The following GXYLT2 variants were observed in gnomAD, a reference collection of about 807,000 sequenced individuals.
The protein encoded by GXYLT2 is glycosyltransferase 8 domain containing 4.
Under a neutral mutation model 45.8 loss-of-function variants are expected in GXYLT2, and 53 were observed. That is an observed-to-expected ratio of 1.16 (90% CI 0.93 to 1.46). The LOEUF (loss-of-function observed/expected upper bound fraction) is 1.46. Ranked by LOEUF, GXYLT2 falls within the 40% of genes most tolerant of loss-of-function variation. The pLI is 0.00. For missense variants in GXYLT2, 551 were observed against 544.4 expected (o/e 1.01, Z -0.12); for synonymous variants, 219 against 214.2 (o/e 1.02, Z -0.19).
intron 3 of GXYLT2, among the ~76,000 whole-genome samples, chr3:72,924,940 G>T (rs982821128): frequency 6.6e-6 from 1 of 152,024 alleles, no homozygotes; most frequent in Non-Finnish European, 1.5e-5. Flanking sequence ...GGGGTCAAAT[G>T]AGTTTAATTT....
intron 5 of GXYLT2, among the ~76,000 whole-genome samples, chr3:72,958,304 T>A (rs926768589): frequency 2.0e-5 from 3 of 151,990 alleles, no homozygotes; most frequent in Non-Finnish European, 4.4e-5. Flanking sequence ...AAACTATGTT[T>A]TCTTCTTGAG....
chr3:72,955,976 C>A (rs969030923), intron 4 of GXYLT2, among the ~76,000 whole-genome samples: 4 of 152,116 alleles, frequency 2.6e-5, no homozygotes, highest in African/African-American at 9.7e-5. Context: ...TATTCAGGAG[C>A]CTAAGGCAGG....
intron 3 of GXYLT2, among the ~76,000 whole-genome samples, chr3:72,952,352 T>A (rs375571006): frequency 2.5e-4 from 38 of 152,212 alleles, no homozygotes; most frequent in African/African-American, 8.4e-4. Flanking sequence ...TCAGTATTTT[T>A]AATTTCATTT....
rs5850087 is a variant in GXYLT2 at position 72,889,907 on chromosome 3, G to GTT, written c.275+1414_275+1415dup. ...CTGTTTTTCTTTTGGTTTTTTTTTT[G>GTT]TTTTTTTTTTTTTTTTGTGACAAAG... On this transcript the variant is annotated intron_variant, in intron 1 of 6. Coordinates refer to ENST00000389617, the MANE Select transcript of GXYLT2 (RefSeq NM_001080393.2). 2.5e-3 allele frequency among the ~76,000 whole-genome samples: 297 copies of GTT among 118,776 alleles called. 6 individuals are homozygous for GTT. Among genetic ancestry groups the GTT allele is most frequent in the African/African-American group, 8.1e-3 (243 of 30,066 alleles). The allele number at this position is 118,776 out of a possible 152,430, so 77.9% of individuals were successfully genotyped here.
At position 72,888,516 on chromosome 3, in the gene GXYLT2, G is replaced by A; in HGVS notation, c.275+8G>A. ...ACTGGAGAAGTTGGCGAGGTGAGTCGTGGCAACCCCAGAATCCCATCTGCG... is the reference window on the plus strand; with the variant it reads ...ACTGGAGAAGTTGGCGAGGTGAGTCATGGCAACCCCAGAATCCCATCTGCG... On this transcript the variant is annotated splice_region_variant and intron_variant, in intron 1 of 6. Transcript: ENST00000389617. 2 of 1,225,726 alleles carry A rather than the reference G, an allele frequency of 1.6e-6. No individual in the cohort carries two copies. The highest frequency in any genetic ancestry group is 3.3e-4 in the Middle Eastern group (1 of 3,048). 75.9% of individuals were successfully genotyped at this position (1,225,726 alleles called of 1,614,324 possible).
chr3:72,911,209 CA>C (rs1709612778), intron 2 of GXYLT2, among the ~76,000 whole-genome samples: 3 of 152,066 alleles, frequency 2.0e-5, no homozygotes, highest in Non-Finnish European at 4.4e-5. Context: ...GAGAATTGCT[CA>C]AACCTGGGAG....
intron 2 of GXYLT2, among the ~76,000 whole-genome samples, chr3:72,920,119 C>CT (rs968517793): frequency 6.6e-6 from 1 of 151,738 alleles, no homozygotes; most frequent in African/African-American, 2.4e-5. Context: ...CTTGTTTTTA[C>CT]TTTTTTTATT....
chr3:72,905,369 C>T (rs777953517), intron 1 of GXYLT2, among the ~76,000 whole-genome samples: 7 of 152,158 alleles, frequency 4.6e-5, no homozygotes, highest in Non-Finnish European at 5.9e-5. Context: ...CTGCCCGCCT[C>T]GAACTCCTGC....
At chr3:72,974,943 T>A (rs1357662116) in intron 6 of GXYLT2, 34 bp from the exon 7 acceptor site, 2 of 1,475,412 alleles carry the variant, frequency 1.4e-6, no homozygotes, top group South Asian at 1.3e-5. Flanking sequence ...GGCATTTCCG[T>A]TACTAAATAA....
chr3:72,922,734 C>T (rs1385981767), intron 3 of GXYLT2, among the ~76,000 whole-genome samples: 1 of 152,192 alleles, frequency 6.6e-6, no homozygotes, highest in East Asian at 1.9e-4. Context: ...CTAGTTATGG[C>T]CATACTAGGC....
At chr3:72,946,840 T>G (rs918756756) in intron 3 of GXYLT2, among the ~76,000 whole-genome samples, 7 of 152,156 alleles carry the variant, frequency 4.6e-5, no homozygotes, top group African/African-American at 9.7e-5. Flanking sequence ...TTTATTTGTT[T>G]AAGAGACAGG....
In GXYLT2 at chr3:72,976,287, A is replaced by G. The variant is rs920171503; in HGVS notation, c.*1128A>G. 2.0e-5 allele frequency: 3 copies of G among 152,160 alleles called. No homozygotes were observed. Among genetic ancestry groups the G allele is most frequent in the African/African-American group, 7.2e-5 (3 of 41,458 alleles). 9.4% of individuals were successfully genotyped at this position (152,160 alleles called of 1,614,324 possible). A position where few individuals can be genotyped will look rare whatever the true frequency, so the allele number is the denominator to read the frequency against. ...ACTTTGATTTGTGGAGGACTAAATC[A>G]TAATACATTTCTATGCAACAATAGC... is the stretch of plus-strand genomic sequence containing the variant. On this transcript the variant is annotated 3_prime_UTR_variant, in exon 7 of 7. Transcript: ENST00000389617.
intron 1 of GXYLT2, among the ~76,000 whole-genome samples, chr3:72,905,449 T>G (rs79969371): frequency 0.021 from 3,208 of 152,324 alleles, 100 homozygotes; most frequent in African/African-American, 0.066. Context: ...CGTTGGTACA[T>G]GCCAGTCTGG....
At chr3:72,923,169 C>T (rs971790163) in intron 3 of GXYLT2, among the ~76,000 whole-genome samples, 3 of 152,060 alleles carry the variant, frequency 2.0e-5, no homozygotes, top group Non-Finnish European at 4.4e-5. Flanking sequence ...GCAAGAAAAT[C>T]GCTTGAACCC....
intron 5 of GXYLT2, among the ~76,000 whole-genome samples, chr3:72,960,338 A>G (rs1710745491): frequency 6.6e-6 from 1 of 152,198 alleles, no homozygotes; most frequent in Non-Finnish European, 1.5e-5. Flanking sequence ...TTGCCTCCCC[A>G]GTTCCTCTTA....
chr3:72,894,164 T>TTGGGCAGTAGAAAAAGAAAATAC (rs1332248093), intron 1 of GXYLT2, among the ~76,000 whole-genome samples: 1 of 152,232 alleles, frequency 6.6e-6, no homozygotes, highest in African/African-American at 2.4e-5. Context: ...AGCCATCTGT[T>TTGGGCAGTAGAAAAAGAAAATAC]TGGGCAGTAG....
intron 6 of GXYLT2, among the ~76,000 whole-genome samples, chr3:72,970,088 T>C (rs1710958735): frequency 6.6e-6 from 1 of 151,936 alleles, no homozygotes; most frequent in South Asian, 2.1e-4. Context: ...TGGTGGTTTA[T>C]GCCTGTAATC....
intron 3 of GXYLT2, among the ~76,000 whole-genome samples, chr3:72,950,447 C>T (rs957249331): frequency 3.3e-5 from 5 of 151,916 alleles, no homozygotes; most frequent in East Asian, 1.9e-4. Context: ...GGCGACAGTG[C>T]GAGACTTCAT....
chr3:72,975,018 C>A lies in GXYLT2; in HGVS notation c.1191C>A (p.Pro397=), dbSNP rs374145064. The change falls in exon 7 of 7, where the codon CCC becomes CCA. Residue 397 remains proline, a synonymous_variant. Transcript: ENST00000389617. Reference sequence around the variant, plus strand: ...ATCTCTTTCAATCCATGTATTACCCCCTTCAGCTGAAGTTTTTGGAGACTG... The same window carrying A: ...ATCTCTTTCAATCCATGTATTACCCACTTCAGCTGAAGTTTTTGGAGACTG... ...QDNLFQSMYY[P]LQLKFLETVH... is the part of the protein sequence containing the mutation. The A allele has an allele frequency of 3.1e-6, 5 of 1,609,790 alleles. No individual in the cohort carries two copies. In the South Asian group the frequency reaches 4.4e-5, roughly 14 times the overall value.
Sources: gnomAD v4.1 joint callset for allele counts (sites outside exome capture counted in the v4.1 genomes callset) on GRCh38, gnomAD v4.1.1 for gene constraint, MANE v1.5 for transcripts, NCBI Gene and HGNC (gene_info 2026-07-23, HGNC 2026-07-21) for gene names.